Variants in PCDHA13 observed in about 807,000 individuals in gnomAD.
PCDHA13 encodes the protein protocadherin alpha-13.
PCDHA13 carries 54 observed loss-of-function variants against 64.8 expected under a neutral mutation model. That is an observed-to-expected ratio of 0.83 (90% CI 0.67 to 1.04). PCDHA13 has a LOEUF of 1.04. Among genes scored for constraint, PCDHA13 ranks in the 50% least tolerant of loss-of-function variants. The pLI is 0.00. For missense variants in PCDHA13, 1,248 were observed against 1,254.3 expected, an observed-to-expected ratio of 0.99 and a Z score of 0.08; for synonymous variants, 587 against 564.4, an observed-to-expected ratio of 1.04 and a Z score of -0.57.
chr5:140,999,132 T>C (rs1430473415), intron 3 of PCDHA13, among the ~76,000 whole-genome samples: 2 of 152,160 alleles, frequency 1.3e-5, no homozygotes, highest in Non-Finnish European at 2.9e-5. Flanking sequence ...CTGGAAAATG[T>C]CACAGCCGGA....
At chr5:140,942,867 C>T (rs1023164811) in intron 1 of PCDHA13, among the ~76,000 whole-genome samples, 5 of 151,858 alleles carry the variant, frequency 3.3e-5, no homozygotes, top group Admixed American at 1.3e-4. Context: ...TTTGCTTTAG[C>T]ATGACAACTT....
chr5:140,899,534 T>A (rs2067388979), intron 1 of PCDHA13, among the ~76,000 whole-genome samples: 1 of 152,234 alleles, frequency 6.6e-6, no homozygotes, highest in Non-Finnish European at 1.5e-5. Context: ...TGAAGCCCAC[T>A]TGATCATGGT....
rs568082033 is a variant in PCDHA13, at chr5:140,926,946, AG to A, written c.2394+42285del. On this transcript the variant is annotated intron_variant, in intron 1 of 3. Transcript: ENST00000289272. ...GTTTGTGGGTTTCCTGCGGCGCTGC[AG>A]CGGGACAGCTCGAGTACTCAGTGCC... 60 of 1,590,228 alleles carry A rather than the reference AG, an allele frequency of 3.8e-5. No individual in the cohort carries two copies. The African/African-American group carries it at 7.7e-4, about 20-fold the overall frequency.
intron 1 of PCDHA13, among the ~76,000 whole-genome samples, chr5:140,893,595 T>C (rs13187419): frequency 0.05 from 7,691 of 152,298 alleles, 276 homozygotes; most frequent in Non-Finnish European, 0.072. Context: ...GGAAATACTT[T>C]ATTTCTCCTT....
At position 140,982,439 on chromosome 5, in the gene PCDHA13, G is replaced by A. The variant is rs553328430; in HGVS notation, c.2454-36G>A. The A allele has an allele frequency of 6.8e-5, 109 of 1,613,560 alleles. 3 individuals carry two copies. In the South Asian group the frequency reaches 1.0e-3, roughly 15 times the overall value. On this transcript the variant is annotated intron_variant, in intron 2 of 3. Transcript: ENST00000289272. ...GAAGAAGAGATGGGAAAGAATTTAT[G>A]ATCTAACCGTTATCTGGGTCTGTGT... is the stretch of plus-strand genomic sequence containing the variant.
chr5:140,988,059 T>C (rs1587274242), intron 3 of PCDHA13, among the ~76,000 whole-genome samples: 1 of 152,324 alleles, frequency 6.6e-6, no homozygotes, highest in East Asian at 1.9e-4. Flanking sequence ...ACTGTCAACA[T>C]GAATTTTTCT....
intron 1 of PCDHA13, among the ~76,000 whole-genome samples, chr5:140,973,261 C>G (rs1162687249): frequency 6.6e-6 from 1 of 152,156 alleles, no homozygotes; most frequent in African/African-American, 2.4e-5. Flanking sequence ...TCAGTGGCAC[C>G]TACTTTTATT....
intron 3 of PCDHA13, among the ~76,000 whole-genome samples, chr5:141,006,156 TA>T (rs1554260585): frequency 6.6e-6 from 1 of 151,588 alleles, no homozygotes; most frequent in East Asian, 1.9e-4. Flanking sequence ...AGGAGTGATA[TA>T]ATCTGATTTA....
Position 140,884,503 on chromosome 5 carries a change from AGGGAGTT to A in PCDHA13, c.2238_2244del (p.Ser747ArgfsTer48), listed in dbSNP as rs782338567. 2 of 1,613,940 alleles carry A rather than the reference AGGGAGTT, an allele frequency of 1.2e-6. No homozygotes were observed. Among genetic ancestry groups the A allele is most frequent in the Non-Finnish European group, 1.7e-6 (2 of 1,179,994 alleles). ...CCACTCTAGTGTGCTCCAGCGCGGC[AGGGAGTT>A]GGTCGTACTCGCAGCAGAGGCGGCC... On this transcript the variant is annotated frameshift_variant, in exon 1 of 4. Transcript: ENST00000289272. LOFTEE classifies it high-confidence loss of function.
chr5:140,919,097 C>T lies in PCDHA13; in HGVS notation c.2394+34435C>T, dbSNP rs531325561. Among the ~76,000 whole-genome samples the T allele has an allele frequency of 5.3e-5, 8 of 152,242 alleles. No homozygotes were observed. The South Asian group carries it at 1.7e-3, about 32-fold the overall frequency. ...TATGACTATTGAATTGTCTATTTCT[C>T]CCTTCATTTCTGCCAGTTTTTGCTT... On this transcript the variant is annotated intron_variant, in intron 1 of 3. Coordinates refer to ENST00000289272, the MANE Select transcript of PCDHA13 (RefSeq NM_018904.3).
chr5:140,882,660 C>G lies in PCDHA13; in HGVS notation c.392C>G (p.Pro131Arg), dbSNP rs147326638. Reference sequence around the variant, plus strand: ...GTGAGGGACATTAACGACAACCCGCCCATATTCCCTGAAAGCAAGAAACGA... The same window carrying G: ...GTGAGGGACATTAACGACAACCCGCGCATATTCCCTGAAAGCAAGAAACGA... ...VKVRDINDNP[P>R]IFPESKKRII... is the part of the protein sequence containing the mutation. Residue 131 changes from proline to arginine, a missense_variant, in exon 1 of 4, where the codon CCC becomes CGC. By Grantham distance (103) the Pro-to-Arg change is moderately radical. Coordinates refer to ENST00000289272, the MANE Select transcript of PCDHA13 (RefSeq NM_018904.3). 14 of 1,614,090 alleles carry G rather than the reference C, an allele frequency of 8.7e-6. No individual in the cohort carries two copies. Among genetic ancestry groups the G allele is most frequent in the African/African-American group, 1.3e-5 (1 of 74,928 alleles).
intron 1 of PCDHA13, among the ~76,000 whole-genome samples, chr5:140,937,309 T>G (rs1210222120): frequency 6.6e-6 from 1 of 152,102 alleles, no homozygotes; most frequent in African/African-American, 2.4e-5. Flanking sequence ...AGTGCTGGGA[T>G]TACAGGCGTG....
At position 140,882,376 on chromosome 5, in the gene PCDHA13, C is replaced by G; in HGVS notation, c.108C>G (p.Pro36=). Residue 36 remains proline (P), a synonymous_variant, in exon 1 of 4, where the codon CCC becomes CCG. Coordinates refer to ENST00000289272, the MANE Select transcript of PCDHA13 (RefSeq NM_018904.3). ...TGSGQLHYSV[P]EEAKHGTFVG... is the part of the protein sequence containing the mutation. ...GTGGCCAGCTCCACTACTCCGTCCC[C>G]GAGGAAGCAAAACACGGCACCTTCG... The G allele has an allele frequency of 6.2e-7, 1 of 1,614,190 alleles. No individual in the cohort carries two copies. The highest frequency in any genetic ancestry group is 1.1e-5 in the South Asian group (1 of 91,080).
intron 1 of PCDHA13, among the ~76,000 whole-genome samples, chr5:140,902,253 G>T (rs1170626795): frequency 1.4e-5 from 2 of 144,500 alleles, no homozygotes; most frequent in Non-Finnish European, 3.0e-5. Flanking sequence ...GCCCAGGCTG[G>T]TCTCGAACTC....
chr5:140,887,941 A>C (rs529131971), intron 1 of PCDHA13, among the ~76,000 whole-genome samples: 25 of 152,194 alleles, frequency 1.6e-4, no homozygotes, highest in Admixed American at 7.8e-4. Flanking sequence ...TTTATTTCTT[A>C]TCTGTATAAG....
chr5:140,972,244 A>G (rs2096526797), intron 1 of PCDHA13, among the ~76,000 whole-genome samples: 1 of 151,646 alleles, frequency 6.6e-6, no homozygotes, highest in African/African-American at 2.4e-5. Context: ...GGCTCAAGCA[A>G]TCCTCACACA....
intron 1 of PCDHA13, among the ~76,000 whole-genome samples, chr5:140,956,511 T>C (rs1293826895): frequency 1.3e-5 from 2 of 152,218 alleles, no homozygotes. Flanking sequence ...TACTTGATCA[T>C]GGTGAATAAG....
At position 140,883,207 on chromosome 5, in the gene PCDHA13, G is replaced by T. The variant is rs781883209; in HGVS notation, c.939G>T (p.Lys313Asn). Residue 313 changes from lysine to asparagine, a missense_variant, in exon 1 of 4, where the codon AAG (lysine) becomes AAT (asparagine). By Grantham distance (94) the Lys-to-Asn change is moderately conservative. Transcript: ENST00000289272. ...AAGGCAAACTAGATTTCGAAGAAAA[G>T]AAATTATATGAAATATCCGTGGAGG... is the stretch of plus-strand genomic sequence containing the variant. Reference protein sequence around the residue: ...RTKGKLDFEEKKLYEISVEAV... With the variant: ...RTKGKLDFEENKLYEISVEAV... The T allele has an allele frequency of 7.4e-6, 12 of 1,613,794 alleles. No individual in the cohort carries two copies. The highest frequency in any genetic ancestry group is 2.2e-5 in the East Asian group (1 of 44,890).
intron 1 of PCDHA13, chr5:140,968,459 G>A (rs1554230743): frequency 6.2e-7 from 1 of 1,614,094 alleles, no homozygotes; most frequent in African/African-American, 1.3e-5. Flanking sequence ...CACTGTGACT[G>A]CCAACGTATA....
Sources: gnomAD v4.1 joint callset for allele counts (sites outside exome capture counted in the v4.1 genomes callset) on GRCh38, gnomAD v4.1.1 for gene constraint, MANE v1.5 for transcripts, NCBI Gene and HGNC (gene_info 2026-07-23, HGNC 2026-07-21) for gene names.